Variants in NOC3L observed in about 807,000 individuals in gnomAD.
NOC3L encodes nucleolar complex protein 3 homolog.
A neutral mutation model predicts 102.5 loss-of-function variants in NOC3L; 85 were observed. The ratio of observed to expected loss-of-function variants is 0.83; its 90% CI spans 0.70 to 0.99. The LOEUF is 0.99. NOC3L is among the 50% of genes least tolerant of loss of function. The pLI is 0.00. For missense variants in NOC3L, 878 were observed against 914.9 expected, an observed-to-expected ratio of 0.96 and a Z score of 0.52; for synonymous variants, 303 against 309.4, an observed-to-expected ratio of 0.98 and a Z score of 0.22.
intron 17 of NOC3L, among the ~76,000 whole-genome samples, chr10:94,339,334 TTAAA>T (rs1171157774): frequency 1.4e-5 from 2 of 142,640 alleles, no homozygotes; most frequent in Non-Finnish European, 1.5e-5. Flanking sequence ...AAGCAAAGAA[TTAAA>T]TAAACCTTAC....
the NOC3L span, among the ~76,000 whole-genome samples, chr10:94,321,713 A>G: frequency 6.6e-6 from 1 of 152,128 alleles, no homozygotes; most frequent in Non-Finnish European, 1.5e-5. Context: ...GAAGCACAGT[A>G]GTTTCCTCCT....
downstream of NOC3L, chr10:94,328,924 TAAC>T (rs777360100): frequency 2.6e-5 from 4 of 152,208 alleles, no homozygotes; most frequent in Non-Finnish European, 4.4e-5. Context: ...TGCAATGTCT[TAAC>T]AAGAAACCTA....
Position 94,336,711 on chromosome 10 carries a change from A to AT in NOC3L, c.2189+1065dup, listed in dbSNP as rs574266141. Among the ~76,000 whole-genome samples the AT allele has an allele frequency of 2.4e-3, 368 of 151,740 alleles. 3 individuals are homozygous for AT. Among genetic ancestry groups the AT allele is most frequent in the African/African-American group, 8.4e-3 (348 of 41,402 alleles). ...TATGGCACCATAAATGGACTGAGGG[A>AT]TTTTTTATACCATTTTCTCTCTTTC... is the stretch of plus-strand genomic sequence containing the variant. On this transcript the variant is annotated intron_variant, in intron 19 of 20. Coordinates refer to ENST00000371361, the MANE Select transcript of NOC3L (RefSeq NM_022451.11).
At chr10:94,320,728 AG>A in the NOC3L span, among the ~76,000 whole-genome samples, 588 of 152,316 alleles carry the variant, frequency 3.9e-3, 3 homozygotes, top group Non-Finnish European at 6.0e-3. Context: ...CTCTTGCAAA[AG>A]GGAAGCTATC....
At chr10:94,329,810 A>AAAAAAAAAC (rs2054138082), downstream of NOC3L, 1 of 144,382 alleles carries the variant, frequency 6.9e-6, no homozygotes, top group African/African-American at 2.6e-5. Flanking sequence ...AAAAAAAAAA[A>AAAAAAAAAC]ACACCATACA....
At chr10:94,344,667 ATATACAC>A (rs2054323105) in intron 12 of NOC3L, 152 bp from the exon 13 acceptor site, 3 of 684,778 alleles carry the variant, frequency 4.4e-6, no homozygotes, top group East Asian at 5.4e-5. Flanking sequence ...CAGAATGAAG[ATATACAC>A]CCTGTGACTG....
intron 4 of NOC3L, 134 bp from the exon 5 acceptor site, chr10:94,356,725 G>T: frequency 1.6e-6 from 1 of 634,124 alleles, no homozygotes; most frequent in South Asian, 2.0e-5. Context: ...ATTAGTGATT[G>T]AGGTGAGCAC....
chr10:94,339,784 T>C lies in NOC3L; in HGVS notation c.1917A>G (p.Pro639=). ...TTGCTAAAATGCCAATACTTGAATT[T>C]GGAAGAACATGAAGAGCAAGGGTAC... is the stretch of plus-strand genomic sequence containing the variant. ...RLCTLALHVL[P]NSSIGILATT... The change falls in exon 17 of 21, where the codon CCA becomes CCG. Residue 639 remains proline, a synonymous_variant. Coordinates refer to ENST00000371361, the MANE Select transcript of NOC3L (RefSeq NM_022451.11). 3 of 1,614,116 alleles carry C rather than the reference T, an allele frequency of 1.9e-6. No homozygotes were observed. The highest frequency in any genetic ancestry group is 1.7e-6 in the Non-Finnish European group (2 of 1,179,994).
the NOC3L span, chr10:94,322,178 G>A: frequency 2.1e-6 from 2 of 946,592 alleles, no homozygotes; most frequent in Admixed American, 1.9e-5. Flanking sequence ...GGACCTCAAA[G>A]GGGAGTGTGT....
chr10:94,325,677 TA>T, the NOC3L span: 15 of 152,096 alleles, frequency 9.9e-5, no homozygotes, highest in Non-Finnish European at 2.1e-4. Context: ...ATTTTGTAGA[TA>T]AATAAGCAAA....
Position 94,334,639 on chromosome 10 carries a change from T to G in NOC3L, c.2269A>C (p.Ile757Leu). Residue 757 changes from isoleucine (I) to leucine (L), a missense_variant, in exon 20 of 21, where the codon ATA (isoleucine) becomes CTA (leucine). Physicochemically the swap from Ile to Leu is conservative, Grantham distance 5. Coordinates refer to ENST00000371361, the MANE Select transcript of NOC3L (RefSeq NM_022451.11). ...NPPVESSNPKIKGKFLQGDSF... is the reference protein window; with the variant it reads ...NPPVESSNPKLKGKFLQGDSF... ...AAATGAAAAATATCCCATACCTTTATTTTGGGGTTTGAAGATTCAACAGGA... is the reference window on the plus strand; with the variant it reads ...AAATGAAAAATATCCCATACCTTTAGTTTGGGGTTTGAAGATTCAACAGGA... The G allele has an allele frequency of 6.2e-7, 1 of 1,611,174 alleles. No homozygotes were observed. Among genetic ancestry groups the G allele is most frequent in the South Asian group, 1.1e-5 (1 of 90,718 alleles).
At chr10:94,350,400 T>C in intron 8 of NOC3L, 112 bp from the exon 9 acceptor site, 1 of 869,358 alleles carries the variant, frequency 1.2e-6, no homozygotes, top group Non-Finnish European at 1.8e-6. Flanking sequence ...ACACACACAT[T>C]CCCACACCCC....
At chr10:94,349,610 T>C (rs1341964679) in intron 9 of NOC3L, among the ~76,000 whole-genome samples, 1 of 152,190 alleles carries the variant, frequency 6.6e-6, no homozygotes, top group Non-Finnish European at 1.5e-5. Context: ...TTGCTTCCTG[T>C]TGTGAACCAC....
In NOC3L at chr10:94,344,449, G is replaced by A. The variant is rs533523491; in HGVS notation, c.1537C>T (p.Pro513Ser). The A allele has an allele frequency of 1.9e-5, 31 of 1,613,510 alleles. No individual in the cohort carries two copies. Among genetic ancestry groups the A allele is most frequent in the Non-Finnish European group, 2.5e-5 (30 of 1,179,664 alleles). The change falls in exon 13 of 21, where the codon CCT becomes TCT. Residue 513 changes from proline to serine, a missense_variant. Pro to Ser is a moderately conservative substitution (Grantham distance 74). Coordinates refer to ENST00000371361, the MANE Select transcript of NOC3L (RefSeq NM_022451.11). Reference sequence around the variant, plus strand: ...CCTTCTAGAACTGCTGGCAGGAGAGGTGACCTCTGGGCCTTCTTCAATATT... The same window carrying A: ...CCTTCTAGAACTGCTGGCAGGAGAGATGACCTCTGGGCCTTCTTCAATATT... Reference protein sequence around the residue: ...FRILKKAQRSPLLPAVLEGLA... With the variant: ...FRILKKAQRSSLLPAVLEGLA...
chr10:94,361,659 A>G lies in NOC3L; in HGVS notation c.217+6T>C, dbSNP rs774045850. 4 of 1,612,042 alleles carry G rather than the reference A, an allele frequency of 2.5e-6. No individual in the cohort carries two copies. Among genetic ancestry groups the G allele is most frequent in the Non-Finnish European group, 3.4e-6 (4 of 1,178,942 alleles). On this transcript the variant is annotated splice_donor_region_variant and intron_variant, in intron 2 of 20. Transcript: ENST00000371361. ...AAACCAGAGCACATGATGTTTTCAC[A>G]ATTACCTGGTCGCTTTTCCTTTGGG...
chr10:94,361,938 C>G (rs907514870), intron 1 of NOC3L, 66 bp from the exon 2 acceptor site: 1 of 1,196,302 alleles, frequency 8.4e-7, no homozygotes, highest in African/African-American at 1.5e-5. Context: ...TTAAAGAGAA[C>G]TGATTACAAA....
At chr10:94,341,253 C>T (rs2054280967) in intron 14 of NOC3L, among the ~76,000 whole-genome samples, 1 of 146,328 alleles carries the variant, frequency 6.8e-6, no homozygotes, top group South Asian at 2.2e-4. Flanking sequence ...CTATAGTTTA[C>T]AATAATCTAT....
Position 94,339,932 on chromosome 10 carries a change from G to C in NOC3L, c.1781-12C>G, listed in dbSNP as rs769562786. On this transcript the variant is annotated splice_polypyrimidine_tract_variant and intron_variant, in intron 16 of 20. Transcript: ENST00000371361. ...TTCATTGGTAGCACCTAAAACAGCA[G>C]ACATATTCTTCAGAGCTGTTCTCAT... 2 of 1,607,922 alleles carry C rather than the reference G, an allele frequency of 1.2e-6. No homozygotes were observed. Among genetic ancestry groups the C allele is most frequent in the South Asian group, 1.1e-5 (1 of 90,462 alleles).
the NOC3L span, chr10:94,322,007 G>A: frequency 9.3e-6 from 15 of 1,614,012 alleles, 1 homozygote; most frequent in South Asian, 6.6e-5. Flanking sequence ...GAGCAACCTC[G>A]AACAGTCATC....
Sources: allele counts gnomAD v4.1 joint callset (sites outside exome capture counted in the v4.1 genomes callset), GRCh38; gene constraint gnomAD v4.1.1; transcripts MANE v1.5; gene names NCBI Gene and HGNC (gene_info 2026-07-23, HGNC 2026-07-21).